Variants in EPB41L4A observed in about 807,000 individuals in gnomAD.
The protein encoded by EPB41L4A is erythrocyte membrane protein band 4.1 like 4A.
A neutral mutation model predicts 108.6 loss-of-function variants in EPB41L4A; 100 were observed. That is an observed-to-expected ratio of 0.92 (90% CI 0.78 to 1.09). The LOEUF (loss-of-function observed/expected upper bound fraction) is 1.09, where lower values mean the gene tolerates loss of function less well. Among genes scored for constraint, EPB41L4A ranks in the 50% least tolerant of loss-of-function variants. The probability of loss-of-function intolerance (pLI) is 0.00; values close to 1 mark genes in which losing one functional copy is unlikely to be tolerated. For synonymous variants in EPB41L4A, 319 were observed against 289.0 expected, an observed-to-expected ratio of 1.10 and a Z score of -1.05; for missense variants, 1,030 against 842.7, an observed-to-expected ratio of 1.22 and a Z score of -2.75.
intron 9 of EPB41L4A, among the ~76,000 whole-genome samples, chr5:112,246,793 T>C (rs1197995635): frequency 2.6e-5 from 4 of 152,112 alleles, no homozygotes; most frequent in Non-Finnish European, 5.9e-5. Context: ...GTAAAAAAAA[T>C]GTAGATTCAC....
intron 1 of EPB41L4A, among the ~76,000 whole-genome samples, chr5:112,362,805 G>A (rs1758856287): frequency 2.6e-5 from 4 of 152,068 alleles, no homozygotes; most frequent in Admixed American, 2.0e-4. Flanking sequence ...TTAAATAAAT[G>A]CAATATAAAT....
intron 9 of EPB41L4A, among the ~76,000 whole-genome samples, chr5:112,242,447 C>A (rs1015123495): frequency 2.0e-5 from 3 of 152,204 alleles, no homozygotes; most frequent in African/African-American, 7.2e-5. Context: ...TCAGGCTTCA[C>A]TTCTAATTCT....
At chr5:112,354,030 T>G (rs1362341270) in intron 1 of EPB41L4A, among the ~76,000 whole-genome samples, 1 of 152,222 alleles carries the variant, frequency 6.6e-6, no homozygotes, top group Non-Finnish European at 1.5e-5. Flanking sequence ...GTAAAGAGCA[T>G]GGACTCTGAA....
At chr5:112,319,732 A>C (rs1276403170) in intron 1 of EPB41L4A, among the ~76,000 whole-genome samples, 2 of 152,216 alleles carry the variant, frequency 1.3e-5, no homozygotes, top group African/African-American at 2.4e-5. Flanking sequence ...TTAAAACATA[A>C]GAAAATGCAA....
At chr5:112,143,982 C>T (rs1759159592) in intron 13 of EPB41L4A, 1 of 382,568 alleles carries the variant, frequency 2.6e-6, no homozygotes. Flanking sequence ...CTCCAATTCA[C>T]CCCTTATTAT....
intron 1 of EPB41L4A, among the ~76,000 whole-genome samples, chr5:112,338,322 T>G (rs1015619884): frequency 2.0e-5 from 3 of 152,150 alleles, no homozygotes; most frequent in African/African-American, 7.2e-5. Context: ...CTACTTTCTT[T>G]GTGGGGAGCC....
chr5:112,374,948 A>G (rs1216297700), intron 1 of EPB41L4A, among the ~76,000 whole-genome samples: 3 of 152,156 alleles, frequency 2.0e-5, no homozygotes, highest in Non-Finnish European at 1.5e-5. Flanking sequence ...GATGTTCAAC[A>G]TTCAGGTTCT....
chr5:112,191,027 T>C (rs1761670496), intron 17 of EPB41L4A, among the ~76,000 whole-genome samples: 1 of 152,066 alleles, frequency 6.6e-6, no homozygotes, highest in South Asian at 2.1e-4. Context: ...AAATAAGAAC[T>C]TTCTGTCATC....
chr5:112,334,567 G>C (rs1352165585), intron 1 of EPB41L4A, among the ~76,000 whole-genome samples: 1 of 152,028 alleles, frequency 6.6e-6, no homozygotes, highest in Non-Finnish European at 1.5e-5. Context: ...ATTTATCTCT[G>C]TCTACCAACT....
intron 12 of EPB41L4A, among the ~76,000 whole-genome samples, chr5:112,221,035 T>C (rs181639856): frequency 1.2e-4 from 18 of 152,344 alleles, no homozygotes; most frequent in Non-Finnish European, 2.5e-4. Flanking sequence ...ATAAAACTTA[T>C]ATTAAACAAA....
intron 12 of EPB41L4A, among the ~76,000 whole-genome samples, chr5:112,226,736 T>C (rs1748481548): frequency 6.6e-6 from 1 of 151,308 alleles, no homozygotes; most frequent in Non-Finnish European, 1.5e-5. Flanking sequence ...GAACAAATAC[T>C]AGATGATTCC....
chr5:112,283,786 A>G (rs981740678), intron 2 of EPB41L4A, among the ~76,000 whole-genome samples: 1 of 152,228 alleles, frequency 6.6e-6, no homozygotes, highest in Non-Finnish European at 1.5e-5. Flanking sequence ...CAGGAGACAC[A>G]CAGCCATGTA....
chr5:112,311,568 T>G (rs1224407621), intron 1 of EPB41L4A, among the ~76,000 whole-genome samples: 1 of 152,214 alleles, frequency 6.6e-6, no homozygotes, highest in Non-Finnish European at 1.5e-5. Context: ...GTAGTTCTTT[T>G]GCTCATGTTT....
At chr5:112,249,083 T>C (rs1750451552) in intron 9 of EPB41L4A, 1 of 152,018 alleles carries the variant, frequency 6.6e-6, no homozygotes, top group African/African-American at 2.4e-5. Context: ...GCAAAAGAGA[T>C]GAGTACTTCT....
At chr5:112,228,231 G>A (rs946000334) in intron 12 of EPB41L4A, 2 of 152,198 alleles carry the variant, frequency 1.3e-5, no homozygotes, top group Non-Finnish European at 2.9e-5. Context: ...TTAATTGCTA[G>A]TATTTCAAAT....
rs555479413 is a variant in EPB41L4A, at chr5:112,220,745, T to C, written c.1088-10763A>G. Among the ~76,000 whole-genome samples, 192 of 152,258 alleles carry C rather than the reference T, an allele frequency of 1.3e-3. 1 individual carries two copies. The highest frequency in any genetic ancestry group is 4.5e-3 in the African/African-American group (185 of 41,566). ...CTCCCAACCCTCTGTCATTTTCTCCTGAAACAGGTCTAAAACCTAGAAGGT... is the reference window on the plus strand; with the variant it reads ...CTCCCAACCCTCTGTCATTTTCTCCCGAAACAGGTCTAAAACCTAGAAGGT... On this transcript the variant is annotated intron_variant, in intron 12 of 22. Coordinates refer to ENST00000261486, the MANE Select transcript of EPB41L4A (RefSeq NM_022140.5).
downstream of EPB41L4A, chr5:112,158,501 A>G: frequency 3.1e-6 from 1 of 326,210 alleles, no homozygotes; most frequent in Non-Finnish European, 6.1e-6. Context: ...TGGCTGCCCC[A>G]GTCCAAGAAA....
chr5:112,181,312 G>A (rs897800098), intron 18 of EPB41L4A, among the ~76,000 whole-genome samples: 10 of 152,106 alleles, frequency 6.6e-5, no homozygotes, highest in Non-Finnish European at 8.8e-5. Flanking sequence ...TTAGCCGGGC[G>A]TGGTGGCGGG....
intron 1 of EPB41L4A, among the ~76,000 whole-genome samples, chr5:112,321,604 A>C (rs182058133): frequency 6.3e-4 from 96 of 152,340 alleles, no homozygotes; most frequent in African/African-American, 2.1e-3. Flanking sequence ...ATGACATCTA[A>C]CTTCTGCTTC....
Sources: gnomAD v4.1 joint callset for allele counts (sites outside exome capture counted in the v4.1 genomes callset) on GRCh38, gnomAD v4.1.1 for gene constraint, MANE v1.5 for transcripts, NCBI Gene and HGNC (gene_info 2026-07-23, HGNC 2026-07-21) for gene names.